ZFHX3: variants seen among roughly 807,000 people sequenced by gnomAD.
The protein encoded by ZFHX3 is zinc finger homeobox protein 3.
A neutral mutation model predicts 279.1 loss-of-function variants in ZFHX3; 42 were observed. The ratio of observed to expected loss-of-function variants is 0.15; its 90% CI spans 0.12 to 0.19. The LOEUF (loss-of-function observed/expected upper bound fraction) is 0.19. Ranked by LOEUF, ZFHX3 falls within the 10% of genes least tolerant of loss-of-function variation. The pLI is 1.00. For synonymous variants in ZFHX3, 2,293 were observed against 1,957.8 expected (o/e 1.17, Z -4.52); for missense variants, 4,981 against 4,754.0 (o/e 1.05, Z -1.40).
At chr16:73,426,042 G>T (rs936358874) in intron 3 of ZFHX3, among the ~76,000 whole-genome samples, 1 of 151,950 alleles carries the variant, frequency 6.6e-6, no homozygotes, top group African/African-American at 2.4e-5. Flanking sequence ...CCAACCCATA[G>T]CACTCACCCT....
chr16:73,239,554 A>C (rs1039056561), intron 5 of ZFHX3, among the ~76,000 whole-genome samples: 24 of 152,320 alleles, frequency 1.6e-4, no homozygotes, highest in Middle Eastern at 3.4e-3. Context: ...CCCTAAGCCC[A>C]GTCATTCCAA....
chr16:72,990,857 G>C (rs1034976076), intron 1 of ZFHX3, among the ~76,000 whole-genome samples: 9 of 152,186 alleles, frequency 5.9e-5, no homozygotes, highest in African/African-American at 2.2e-4. Context: ...GCACATGCCT[G>C]TAATCCCAGC....
chr16:72,986,030 C>G (rs755631943), intron 1 of ZFHX3, among the ~76,000 whole-genome samples: 1 of 152,148 alleles, frequency 6.6e-6, no homozygotes, highest in Non-Finnish European at 1.5e-5. Context: ...TCAAGGTCTT[C>G]CATTTTTAAC....
intron 1 of ZFHX3, among the ~76,000 whole-genome samples, chr16:73,785,481 G>C (rs941970316): frequency 2.6e-5 from 4 of 152,100 alleles, no homozygotes; most frequent in East Asian, 3.9e-4. Flanking sequence ...TTCTAAAAAG[G>C]CTTCTGCCCT....
intron 2 of ZFHX3, among the ~76,000 whole-genome samples, chr16:73,636,052 A>G (rs1185748108): frequency 6.6e-6 from 1 of 152,140 alleles, no homozygotes; most frequent in African/African-American, 2.4e-5. Context: ...ACCCTGTTTG[A>G]TCTTTCTTCA....
intron 1 of ZFHX3, among the ~76,000 whole-genome samples, chr16:73,874,062 A>T (rs1260911443): frequency 6.6e-6 from 1 of 152,178 alleles, no homozygotes; most frequent in African/African-American, 2.4e-5. Flanking sequence ...AGATGAATGC[A>T]ATAGCTGCCT....
In ZFHX3 at chr16:72,851,649, G is replaced by T. The variant is rs181574149; in HGVS notation, c.3449-21790C>A. On this transcript the variant is annotated intron_variant, in intron 4 of 9. Transcript: ENST00000268489. Reference sequence around the variant, plus strand: ...TGCTCACTGCAACCTCCGCCTCCCGGGTTCAAGAGATTCTCCTGCCTCAGC... The same window carrying T: ...TGCTCACTGCAACCTCCGCCTCCCGTGTTCAAGAGATTCTCCTGCCTCAGC... Among the ~76,000 whole-genome samples, 6 of 152,068 alleles carry T rather than the reference G, an allele frequency of 3.9e-5. No individual in the cohort carries two copies. In the East Asian group the frequency reaches 1.2e-3, roughly 29 times the overall value.
intron 1 of ZFHX3, among the ~76,000 whole-genome samples, chr16:73,021,210 A>C (rs1289284833): frequency 2.6e-5 from 4 of 152,252 alleles, no homozygotes; most frequent in Admixed American, 6.5e-5. Context: ...GGTTTAGAGC[A>C]GCGAGGAAAG....
intron 2 of ZFHX3, among the ~76,000 whole-genome samples, chr16:73,597,940 G>T (rs1457618704): frequency 6.6e-6 from 1 of 152,162 alleles, no homozygotes; most frequent in Non-Finnish European, 1.5e-5. Flanking sequence ...AAATGTTGAA[G>T]CTGGCATTGC....
intron 1 of ZFHX3, among the ~76,000 whole-genome samples, chr16:73,013,021 A>G (rs1296479888): frequency 6.6e-6 from 1 of 152,206 alleles, no homozygotes; most frequent in Non-Finnish European, 1.5e-5. Context: ...AAGGCAGCCT[A>G]TAAGCCATCA....
chr16:73,341,342 A>AAAT (rs558161072), intron 3 of ZFHX3, among the ~76,000 whole-genome samples: 2 of 152,180 alleles, frequency 1.3e-5, no homozygotes, highest in Admixed American at 1.3e-4. Context: ...CTCCATCTCA[A>AAAT]AATAATAATA....
chr16:72,931,404 TACACACACACACACACACACACACACAC>T (rs59696404), intron 3 of ZFHX3, among the ~76,000 whole-genome samples: 1 of 120,106 alleles, frequency 8.3e-6, no homozygotes, highest in Non-Finnish European at 1.7e-5. Context: ...TTTATTTCAT[TACACACACACACACACACACACACACAC>T]ACACACACAC....
At chr16:73,427,381 T>C (rs946128794) in intron 3 of ZFHX3, among the ~76,000 whole-genome samples, 2 of 152,196 alleles carry the variant, frequency 1.3e-5, no homozygotes, top group Non-Finnish European at 2.9e-5. Flanking sequence ...GAGCTATCAC[T>C]GCCTCTGGCT....
chr16:73,092,773 C>A (rs1966102619), intron 8 of ZFHX3: 1 of 368,728 alleles, frequency 2.7e-6, no homozygotes. Flanking sequence ...TGTCTTCACC[C>A]TGCTATTTAT....
At chr16:73,888,448 A>T (rs2030421820) in intron 1 of ZFHX3, among the ~76,000 whole-genome samples, 1 of 152,240 alleles carries the variant, frequency 6.6e-6, no homozygotes, top group Non-Finnish European at 1.5e-5. Context: ...TAATAATAAT[A>T]AAGATGGGTG....
At chr16:73,083,021 TAAAAA>T (rs71156139) in intron 8 of ZFHX3, among the ~76,000 whole-genome samples, 46 of 132,048 alleles carry the variant, frequency 3.5e-4, no homozygotes, top group African/African-American at 1.0e-3. Context: ...CCATCTCTAC[TAAAAA>T]AAAAAAAAAA....
At chr16:73,564,286 G>T (rs759142312) in intron 2 of ZFHX3, among the ~76,000 whole-genome samples, 3 of 152,118 alleles carry the variant, frequency 2.0e-5, no homozygotes, top group Non-Finnish European at 4.4e-5. Flanking sequence ...CTGGGCCAAG[G>T]GTTTGGTGCC....
At chr16:72,869,012 G>A (rs1220778307) in intron 4 of ZFHX3, among the ~76,000 whole-genome samples, 2 of 152,208 alleles carry the variant, frequency 1.3e-5, no homozygotes, top group Non-Finnish European at 2.9e-5. Flanking sequence ...ACAGAGAAAG[G>A]GTGAAAGGTG....
At chr16:73,619,595 T>A (rs1235780122) in intron 2 of ZFHX3, among the ~76,000 whole-genome samples, 3 of 152,076 alleles carry the variant, frequency 2.0e-5, no homozygotes, top group Non-Finnish European at 4.4e-5. Flanking sequence ...TTTTAATGTC[T>A]CATGATGGAC....
Sources: allele counts gnomAD v4.1 joint callset (sites outside exome capture counted in the v4.1 genomes callset), GRCh38; gene constraint gnomAD v4.1.1; transcripts MANE v1.5; gene names NCBI Gene and HGNC (gene_info 2026-07-23, HGNC 2026-07-21).